Variants in KCNIP4 observed in about 807,000 individuals in gnomAD.
KCNIP4 encodes Kv channel-interacting protein 4.
In KCNIP4, 12 loss-of-function variants were observed where a neutral mutation model predicts 34.0. That is an observed-to-expected ratio of 0.35 (90% CI 0.23 to 0.57). KCNIP4 has a LOEUF of 0.57. Ranked by LOEUF, KCNIP4 falls within the 20% of genes least tolerant of loss-of-function variation. The pLI is 0.83. For synonymous variants in KCNIP4, 124 were observed against 102.2 expected (o/e 1.21, Z -1.29); for missense variants, 238 against 311.7 (o/e 0.76, Z 1.78).
chr4:21,617,131 C>T (rs912700275), intron 1 of KCNIP4, among the ~76,000 whole-genome samples: 1 of 152,070 alleles, frequency 6.6e-6, no homozygotes, highest in Admixed American at 6.6e-5. Context: ...GTATTTTTAC[C>T]AAAACTGTCA....
intron 1 of KCNIP4, among the ~76,000 whole-genome samples, chr4:21,282,588 G>A (rs755414960): frequency 7.2e-5 from 11 of 151,982 alleles, no homozygotes; most frequent in Non-Finnish European, 1.6e-4. Context: ...ATGCTAAAAA[G>A]TATTGTTATT....
chr4:21,893,805 T>TCC (rs1284049476), intron 1 of KCNIP4, among the ~76,000 whole-genome samples: 3 of 152,178 alleles, frequency 2.0e-5, no homozygotes, highest in African/African-American at 7.2e-5. Flanking sequence ...GAAGCTGTAG[T>TCC]TGCATGGTAT....
chr4:21,695,212 C>G (rs1051343083), intron 1 of KCNIP4, among the ~76,000 whole-genome samples: 1 of 152,030 alleles, frequency 6.6e-6, no homozygotes. Context: ...ATCACAGCAT[C>G]TAGTAAATGC....
intron 1 of KCNIP4, among the ~76,000 whole-genome samples, chr4:21,755,220 T>C (rs1247673153): frequency 6.6e-6 from 1 of 152,150 alleles, no homozygotes; most frequent in Non-Finnish European, 1.5e-5. Context: ...CCAGTAGTTA[T>C]TCATTCACCT....
intron 1 of KCNIP4, among the ~76,000 whole-genome samples, chr4:21,153,913 A>G (rs1752951959): frequency 1.3e-5 from 2 of 152,214 alleles, no homozygotes; most frequent in South Asian, 4.1e-4. Context: ...TCAGAGACTT[A>G]CAGCCAAACA....
rs528309925 is a variant in KCNIP4 at position 21,283,091 on chromosome 4, C to T, written c.62-400382G>A. ...CAACAAAAACTAGACACAAAAGGCCCCATTTTCTATGAATATATTTGTACG... is the reference window on the plus strand; with the variant it reads ...CAACAAAAACTAGACACAAAAGGCCTCATTTTCTATGAATATATTTGTACG... On this transcript the variant is annotated intron_variant, in intron 1 of 8. Coordinates refer to ENST00000382152, the MANE Select transcript of KCNIP4 (RefSeq NM_025221.6). Among the ~76,000 whole-genome samples, 18 of 152,184 alleles carry T rather than the reference C, an allele frequency of 1.2e-4. No individual in the cohort carries two copies. The South Asian group carries it at 3.7e-3, about 32-fold the overall frequency.
At chr4:21,189,504 C>T (rs1270612756) in intron 1 of KCNIP4, among the ~76,000 whole-genome samples, 11 of 152,284 alleles carry the variant, frequency 7.2e-5, no homozygotes, top group Non-Finnish European at 2.9e-5. Context: ...ATAAAAAATG[C>T]TTTTCATAAA....
chr4:21,402,840 A>G (rs1723658160), intron 1 of KCNIP4, among the ~76,000 whole-genome samples: 1 of 152,176 alleles, frequency 6.6e-6, no homozygotes, highest in Non-Finnish European at 1.5e-5. Flanking sequence ...GATTATTAGC[A>G]TATAAGCATT....
chr4:21,307,173 C>G (rs1231753058), intron 1 of KCNIP4, among the ~76,000 whole-genome samples: 2 of 152,140 alleles, frequency 1.3e-5, no homozygotes, highest in African/African-American at 4.8e-5. Context: ...GAGAGTCCTT[C>G]CACTTGGTCT....
intron 1 of KCNIP4, among the ~76,000 whole-genome samples, chr4:20,886,359 A>G (rs78579004): frequency 0.047 from 7,153 of 152,302 alleles, 201 homozygotes; most frequent in Middle Eastern, 0.11. Context: ...CAGAGATTAG[A>G]GTTCCAGGCT....
Position 20,881,069 on chromosome 4 carries a change from T to C in KCNIP4, c.163+1539A>G, listed in dbSNP as rs1040128214. Among the ~76,000 whole-genome samples the C allele has an allele frequency of 4.6e-5, 7 of 152,322 alleles. No individual in the cohort carries two copies. In the East Asian group the frequency reaches 1.4e-3, roughly 29 times the overall value. On this transcript the variant is annotated intron_variant, in intron 2 of 8. Transcript: ENST00000382152. Reference sequence around the variant, plus strand: ...TTTCTTTGTTTTGTTTTGTTTTGGTTTGGTTTTTAATCTGTTTTAGTCACT... The same window carrying C: ...TTTCTTTGTTTTGTTTTGTTTTGGTCTGGTTTTTAATCTGTTTTAGTCACT...
chr4:21,109,323 G>A (rs1174128031), intron 1 of KCNIP4, among the ~76,000 whole-genome samples: 2 of 152,222 alleles, frequency 1.3e-5, no homozygotes, highest in Non-Finnish European at 2.9e-5. Flanking sequence ...CCCTCCCCCA[G>A]CCTCGCTGCT....
At chr4:21,600,469 T>C (rs1198613171) in intron 1 of KCNIP4, among the ~76,000 whole-genome samples, 1 of 152,144 alleles carries the variant, frequency 6.6e-6, no homozygotes, top group East Asian at 1.9e-4. Flanking sequence ...CATCACCTTA[T>C]TTACTTTTTA....
intron 1 of KCNIP4, among the ~76,000 whole-genome samples, chr4:21,906,571 G>A (rs1381007865): frequency 6.6e-6 from 1 of 152,092 alleles, no homozygotes; most frequent in African/African-American, 2.4e-5. Context: ...AACTGTGAGA[G>A]AATAAATTTC....
chr4:20,911,243 T>C (rs1295025332), intron 1 of KCNIP4, among the ~76,000 whole-genome samples: 3 of 152,158 alleles, frequency 2.0e-5, no homozygotes, highest in Non-Finnish European at 2.9e-5. Context: ...ATGACCAACA[T>C]TACAATGTAG....
intron 1 of KCNIP4, among the ~76,000 whole-genome samples, chr4:21,548,737 A>G (rs1738336905): frequency 6.6e-6 from 1 of 152,100 alleles, no homozygotes; most frequent in African/African-American, 2.4e-5. Flanking sequence ...GGTGATATGA[A>G]TGCATAAATC....
chr4:20,953,326 C>T (rs566981342), intron 1 of KCNIP4, among the ~76,000 whole-genome samples: 64 of 152,224 alleles, frequency 4.2e-4, no homozygotes, highest in Non-Finnish European at 7.9e-4. Flanking sequence ...TTCATAATGA[C>T]TAAAAGCAAC....
chr4:21,488,288 C>A (rs1334804150), intron 1 of KCNIP4, among the ~76,000 whole-genome samples: 1 of 152,106 alleles, frequency 6.6e-6, no homozygotes, highest in East Asian at 1.9e-4. Flanking sequence ...ATATGGCTCC[C>A]ATATTCACCA....
chr4:21,276,652 C>A (rs1216125364), intron 1 of KCNIP4, among the ~76,000 whole-genome samples: 1 of 152,106 alleles, frequency 6.6e-6, no homozygotes, highest in Non-Finnish European at 1.5e-5. Context: ...TGCTAGCTTT[C>A]CTATTCAATA....
Sources: allele counts gnomAD v4.1 joint callset (sites outside exome capture counted in the v4.1 genomes callset), GRCh38; gene constraint gnomAD v4.1.1; transcripts MANE v1.5; gene names NCBI Gene and HGNC (gene_info 2026-07-23, HGNC 2026-07-21).